The following TMEM9 variants were observed in gnomAD, a reference collection of about 807,000 sequenced individuals.
TMEM9 encodes the protein proton-transporting V-type ATPase complex assembly regulator TMEM9.
TMEM9 carries 13 observed loss-of-function variants against 22.8 expected under a neutral mutation model. The observed-to-expected ratio is 0.57, with a 90% CI of 0.37 to 0.91. TMEM9 has a LOEUF of 0.91. TMEM9 is among the 40% of genes least tolerant of loss of function. The pLI is 0.01. For synonymous variants in TMEM9, 88 were observed against 93.0 expected, an observed-to-expected ratio of 0.95 and a Z score of 0.31; for missense variants, 182 against 238.1, an observed-to-expected ratio of 0.76 and a Z score of 1.55.
chr1:201,141,195 C>T (rs1282558916), intron 4 of TMEM9, among the ~76,000 whole-genome samples: 1 of 152,220 alleles, frequency 6.6e-6, no homozygotes, highest in African/African-American at 2.4e-5. Context: ...TTTCAGCTGA[C>T]CACCCGTCTT....
At chr1:201,139,480 C>T (rs1377332866) in intron 4 of TMEM9, among the ~76,000 whole-genome samples, 1 of 152,184 alleles carries the variant, frequency 6.6e-6, no homozygotes, top group Non-Finnish European at 1.5e-5. Context: ...CCAACTCATG[C>T]TGTTTCCCTG....
chr1:201,152,304 C>T lies in TMEM9; in HGVS notation c.67-452G>A, dbSNP rs16847892. On this transcript the variant is annotated intron_variant, in intron 1 of 4. Coordinates refer to ENST00000367330, the MANE Select transcript of TMEM9 (RefSeq NM_001288565.2). ...GGTAGGATTGGGGAAACATAAAGGG[C>T]GAGGGTGAATAAGAAAAAGTGGATC... is the stretch of plus-strand genomic sequence containing the variant. Among the ~76,000 whole-genome samples the T allele has an allele frequency of 9.5e-3, 1,441 of 152,178 alleles. 20 individuals carry two copies. Among genetic ancestry groups the T allele is most frequent in the African/African-American group, 0.033 (1,377 of 41,512 alleles).
At chr1:201,140,673 C>T (rs1664444408) in intron 4 of TMEM9, among the ~76,000 whole-genome samples, 1 of 152,206 alleles carries the variant, frequency 6.6e-6, no homozygotes, top group Non-Finnish European at 1.5e-5. Flanking sequence ...CTCCAGATCT[C>T]ACCCCTAACT....
chr1:201,144,143 G>A (rs1435562040), intron 3 of TMEM9, 192 bp from the exon 4 acceptor site: 2 of 576,744 alleles, frequency 3.5e-6, no homozygotes, highest in East Asian at 3.1e-5. Context: ...ACTCCACAGA[G>A]GAAGCACTCT....
intron 4 of TMEM9, among the ~76,000 whole-genome samples, chr1:201,141,891 G>C (rs1452374816): frequency 1.3e-5 from 2 of 152,130 alleles, no homozygotes; most frequent in Non-Finnish European, 2.9e-5. Context: ...AGGATGGCAG[G>C]AGACATAACA....
Position 201,135,540 on chromosome 1 carries a change from A to G in TMEM9, c.*123T>C. 1 of 1,084,990 alleles carries G rather than the reference A, an allele frequency of 9.2e-7. No individual in the cohort carries two copies. The highest frequency in any genetic ancestry group is 1.3e-6 in the Non-Finnish European group (1 of 785,522). The allele number at this position is 1,084,990 out of a possible 1,614,324, so 67.2% of individuals were successfully genotyped here. A position where few individuals can be genotyped will look rare whatever the true frequency, so the allele number is the denominator to read the frequency against. On this transcript the variant is annotated 3_prime_UTR_variant, in exon 5 of 5. Coordinates refer to ENST00000367330, the MANE Select transcript of TMEM9 (RefSeq NM_001288565.2). ...TCTAAAGTTAGGGAGAAGGAGGAAAAATGCCACAGGCTTTTAAAGGGAAGA... is the reference window on the plus strand; with the variant it reads ...TCTAAAGTTAGGGAGAAGGAGGAAAGATGCCACAGGCTTTTAAAGGGAAGA...
At chr1:201,166,379 T>G (rs541344551) in intron 1 of TMEM9, among the ~76,000 whole-genome samples, 1 of 128,862 alleles carries the variant, frequency 7.8e-6, no homozygotes, top group Non-Finnish European at 1.7e-5. Flanking sequence ...TTTTTTTTTT[T>G]GATACAGAGT....
chr1:201,151,340 A>G (rs529496114), intron 2 of TMEM9, among the ~76,000 whole-genome samples: 188 of 152,380 alleles, frequency 1.2e-3, no homozygotes, highest in Non-Finnish European at 2.3e-3. Context: ...CTATTATAAA[A>G]TGGGAGCAAA....
At chr1:201,159,642 G>C (rs1665892709) in intron 1 of TMEM9, among the ~76,000 whole-genome samples, 1 of 144,414 alleles carries the variant, frequency 6.9e-6, no homozygotes, top group African/African-American at 2.6e-5. Flanking sequence ...TCAAACTCTT[G>C]ACCTCAAGCG....
chr1:201,142,543 G>A (rs987097998), intron 4 of TMEM9, among the ~76,000 whole-genome samples: 14 of 152,314 alleles, frequency 9.2e-5, no homozygotes, highest in African/African-American at 1.7e-4. Flanking sequence ...GCTATCATGC[G>A]TCTCCTTTAG....
Position 201,135,565 on chromosome 1 carries a change from A to G in TMEM9, c.*98T>C. The G allele has an allele frequency of 7.8e-7, 1 of 1,288,934 alleles. No homozygotes were observed. The highest frequency in any genetic ancestry group is 1.0e-6 in the Non-Finnish European group (1 of 957,898). 79.8% of individuals were successfully genotyped at this position (1,288,934 alleles called of 1,614,324 possible). A position where few individuals can be genotyped will look rare whatever the true frequency, so the allele number is the denominator to read the frequency against. Reference sequence around the variant, plus strand: ...AATGCCACAGGCTTTTAAAGGGAAGACTGGAACCGAGGGAAGGGAGAAGTA... The same window carrying G: ...AATGCCACAGGCTTTTAAAGGGAAGGCTGGAACCGAGGGAAGGGAGAAGTA... On this transcript the variant is annotated 3_prime_UTR_variant, in exon 5 of 5. Transcript: ENST00000367330.
At chr1:201,141,196 C>T (rs934048838) in intron 4 of TMEM9, among the ~76,000 whole-genome samples, 3 of 152,220 alleles carry the variant, frequency 2.0e-5, no homozygotes, top group African/African-American at 4.8e-5. Context: ...TTCAGCTGAC[C>T]ACCCGTCTTA....
rs183291871 is a variant in TMEM9, at chr1:201,150,248, G to T, written c.158+1513C>A. On this transcript the variant is annotated intron_variant, in intron 2 of 4. Transcript: ENST00000367330. ...AACTATAACCACAAGATACAAGGGGGTTACTTGGAATTCTCCTAAGTAGAA... is the reference window on the plus strand; with the variant it reads ...AACTATAACCACAAGATACAAGGGGTTTACTTGGAATTCTCCTAAGTAGAA... Among the ~76,000 whole-genome samples, 15 of 152,340 alleles carry T rather than the reference G, an allele frequency of 9.8e-5. No homozygotes were observed. The East Asian group carries it at 2.1e-3, about 22-fold the overall frequency.
intron 3 of TMEM9, chr1:201,144,393 G>A: frequency 5.1e-6 from 1 of 196,662 alleles, no homozygotes; most frequent in South Asian, 1.0e-4. Flanking sequence ...GGGCTGGTGG[G>A]CTCATTGCTC....
chr1:201,155,561 T>C (rs1337237004), upstream of TMEM9, among the ~76,000 whole-genome samples: 1 of 152,212 alleles, frequency 6.6e-6, no homozygotes, highest in Admixed American at 6.5e-5. Context: ...GCTCAGGAAG[T>C]GTTTGCTAAA....
At chr1:201,160,909 C>G (rs889131053) in intron 1 of TMEM9, among the ~76,000 whole-genome samples, 1 of 147,882 alleles carries the variant, frequency 6.8e-6, no homozygotes, top group Non-Finnish European at 1.5e-5. Context: ...GCACTCCAGC[C>G]TGGGGGACAG....
chr1:201,151,876 G>A (rs1161940077), intron 1 of TMEM9, 24 bp from the exon 2 acceptor site: 1 of 1,591,866 alleles, frequency 6.3e-7, no homozygotes, highest in African/African-American at 1.3e-5. Context: ...CACATGTCAA[G>A]TATGCAGAGA....
chr1:201,158,219 C>G (rs1665852501), upstream of TMEM9, among the ~76,000 whole-genome samples: 1 of 152,204 alleles, frequency 6.6e-6, no homozygotes, highest in South Asian at 2.1e-4. Flanking sequence ...AGAAGGAATG[C>G]AGCCCTGTAG....
intron 1 of TMEM9, among the ~76,000 whole-genome samples, chr1:201,166,561 T>C (rs991538118): frequency 4.6e-5 from 7 of 151,760 alleles, no homozygotes; most frequent in Non-Finnish European, 7.4e-5. Flanking sequence ...CGGGGTTTTG[T>C]CATGTTGCCC....
Sources: allele counts gnomAD v4.1 joint callset (sites outside exome capture counted in the v4.1 genomes callset), GRCh38; gene constraint gnomAD v4.1.1; transcripts MANE v1.5; gene names NCBI Gene and HGNC (gene_info 2026-07-23, HGNC 2026-07-21).